Variants in DCUN1D3 observed in about 807,000 individuals in gnomAD.
The protein encoded by DCUN1D3 is DCN1-like protein 3.
A neutral mutation model predicts 24.8 loss-of-function variants in DCUN1D3; 6 were observed. The ratio of observed to expected loss-of-function variants is 0.24; its 90% CI spans 0.13 to 0.48. The LOEUF (loss-of-function observed/expected upper bound fraction) is 0.48, where lower values mean the gene tolerates loss of function less well. DCUN1D3 is among the 20% of genes least tolerant of loss of function. The probability of loss-of-function intolerance (pLI) is 0.99; values close to 1 mark genes in which losing one functional copy is unlikely to be tolerated. For synonymous variants in DCUN1D3, 120 were observed against 144.9 expected (o/e 0.83, Z 1.24); for missense variants, 258 against 379.4 (o/e 0.68, Z 2.66).
rs919564374 is a variant in DCUN1D3 at position 20,858,279 on chromosome 16, C to T, written c.*1607G>A. 1 of 152,570 alleles carries T rather than the reference C, an allele frequency of 6.6e-6. No homozygotes were observed. Among genetic ancestry groups the T allele is most frequent in the African/African-American group, 2.4e-5 (1 of 41,438 alleles). 9.5% of individuals were successfully genotyped at this position (152,570 alleles called of 1,614,324 possible). ...CCTCAGGCCCCTGTGGCAGCCTGGC[C>T]AAAGCTGGCCTTTATGGAGCCAGCG... On this transcript the variant is annotated 3_prime_UTR_variant, in exon 3 of 3. Coordinates refer to ENST00000324344, the MANE Select transcript of DCUN1D3 (RefSeq NM_173475.4).
At chr16:20,899,636 G>A (rs754399866) in intron 1 of DCUN1D3, among the ~76,000 whole-genome samples, 6 of 152,052 alleles carry the variant, frequency 3.9e-5, no homozygotes, top group Non-Finnish European at 7.4e-5. Context: ...CGGGGGGTGT[G>A]GTGGAGGAAC....
In DCUN1D3 at chr16:20,860,432, A is replaced by G; in HGVS notation, c.432-63T>C. On this transcript the variant is annotated intron_variant, in intron 2 of 2. Transcript: ENST00000324344. The surrounding 1 kb of genome is among the most constrained non-coding windows in gnomAD (Gnocchi z 4.3). Reference sequence around the variant, plus strand: ...ACTATACTATTTACAGGCAATATACATAGTGATTAAGAGCAAGGCTTTCAG... The same window carrying G: ...ACTATACTATTTACAGGCAATATACGTAGTGATTAAGAGCAAGGCTTTCAG... 6.6e-7 allele frequency: 1 copy of G among 1,510,306 alleles called. No individual in the cohort carries two copies. The highest frequency in any genetic ancestry group is 8.9e-7 in the Non-Finnish European group (1 of 1,128,520). The allele number at this position is 1,510,306 out of a possible 1,614,324, so 93.6% of individuals were successfully genotyped here.
intron 1 of DCUN1D3, among the ~76,000 whole-genome samples, chr16:20,890,657 G>A (rs141529444): frequency 6.6e-6 from 1 of 152,166 alleles, no homozygotes; most frequent in East Asian, 1.9e-4. Flanking sequence ...TAAACAGGTG[G>A]GGTCTGTGCT....
At chr16:20,883,791 T>C (rs1449816736) in intron 1 of DCUN1D3, among the ~76,000 whole-genome samples, 1 of 152,236 alleles carries the variant, frequency 6.6e-6, no homozygotes, top group Non-Finnish European at 1.5e-5. Context: ...TATCTCTTTC[T>C]GCTAGGCCAA....
intron 1 of DCUN1D3, among the ~76,000 whole-genome samples, chr16:20,864,729 T>C (rs1235849754): frequency 6.6e-6 from 1 of 152,156 alleles, no homozygotes; most frequent in Non-Finnish European, 1.5e-5. Context: ...AGCAAAGACA[T>C]GGAATCAACC....
chr16:20,880,615 AAAAAAAAAAAAAAACAG>A (rs1465466866), intron 1 of DCUN1D3, among the ~76,000 whole-genome samples: 1 of 148,588 alleles, frequency 6.7e-6, no homozygotes, highest in African/African-American at 2.5e-5. Context: ...AAAAAAAAAA[AAAAAAAAAAAAAAACAG>A]AAAAAAGAAA....
At chr16:20,891,195 T>C (rs2081890810) in intron 1 of DCUN1D3, among the ~76,000 whole-genome samples, 2 of 152,046 alleles carry the variant, frequency 1.3e-5, no homozygotes, top group Admixed American at 1.3e-4. Flanking sequence ...GGTTTCACCA[T>C]CTTGGCCAGG....
intron 1 of DCUN1D3, among the ~76,000 whole-genome samples, chr16:20,895,855 G>C (rs1189850370): frequency 6.6e-6 from 1 of 152,152 alleles, no homozygotes; most frequent in Non-Finnish European, 1.5e-5. Context: ...GAAAACAGGA[G>C]TTACCACGTC....
chr16:20,862,522 G>T lies in DCUN1D3; in HGVS notation c.17C>A (p.Thr6Asn). Residue 6 changes from threonine (T) to asparagine (N), a missense_variant, in exon 2 of 3, where the codon ACC becomes AAC. By Grantham distance (65) the Thr-to-Asn change is moderately conservative. Transcript: ENST00000324344. The part of the protein sequence containing the change: MGQCV[T>N]KCKNPSSTLG... Reference sequence around the variant, plus strand: ...GGTCGATGAGGGATTCTTACACTTGGTGACACACTGGCCCATGGTGCTGGT... The same window carrying T: ...GGTCGATGAGGGATTCTTACACTTGTTGACACACTGGCCCATGGTGCTGGT... The T allele has an allele frequency of 6.2e-7, 1 of 1,603,844 alleles. No individual in the cohort carries two copies. Among genetic ancestry groups the T allele is most frequent in the South Asian group, 1.1e-5 (1 of 90,996 alleles).
chr16:20,882,109 T>C (rs2081847000), intron 1 of DCUN1D3, among the ~76,000 whole-genome samples: 1 of 151,504 alleles, frequency 6.6e-6, no homozygotes, highest in Non-Finnish European at 1.5e-5. Context: ...CCTAGTCTTA[T>C]ACACACTGTT....
chr16:20,892,193 AACTG>A (rs1482648858), intron 1 of DCUN1D3, among the ~76,000 whole-genome samples: 8 of 152,238 alleles, frequency 5.3e-5, no homozygotes, highest in Admixed American at 2.6e-4. Flanking sequence ...ATGACTGAAC[AACTG>A]ACTATTTCAA....
intron 1 of DCUN1D3, among the ~76,000 whole-genome samples, chr16:20,873,116 G>A (rs2081797381): frequency 7.0e-6 from 1 of 142,362 alleles, no homozygotes; most frequent in South Asian, 2.3e-4. Context: ...GCGAGACTCT[G>A]TCTCAAAAAA....
intron 1 of DCUN1D3, among the ~76,000 whole-genome samples, chr16:20,867,439 C>CT (rs2081768011): frequency 6.6e-6 from 1 of 152,174 alleles, no homozygotes; most frequent in Non-Finnish European, 1.5e-5. Flanking sequence ...GACGTGGAAA[C>CT]GAGAATTAGT....
At chr16:20,884,724 A>G (rs1217269500) in intron 1 of DCUN1D3, among the ~76,000 whole-genome samples, 3 of 152,154 alleles carry the variant, frequency 2.0e-5, no homozygotes, top group African/African-American at 7.2e-5. Context: ...AGACAGTAAG[A>G]ATGACAAAAT....
intron 1 of DCUN1D3, among the ~76,000 whole-genome samples, chr16:20,880,915 C>G (rs763221550): frequency 2.0e-5 from 3 of 152,142 alleles, no homozygotes; most frequent in African/African-American, 4.8e-5. Context: ...AGCCAAAATT[C>G]AGACTCTTAA....
intron 1 of DCUN1D3, among the ~76,000 whole-genome samples, chr16:20,873,786 C>A (rs368446905): frequency 6.6e-6 from 1 of 152,090 alleles, no homozygotes; most frequent in Admixed American, 6.5e-5. Context: ...CCTGAAAATA[C>A]AGGAGGCTGG....
At chr16:20,874,118 T>A (rs774206204) in intron 1 of DCUN1D3, among the ~76,000 whole-genome samples, 2 of 152,352 alleles carry the variant, frequency 1.3e-5, no homozygotes, top group South Asian at 4.1e-4. Context: ...GACACAGCTA[T>A]GTCACTCAGA....
At chr16:20,887,525 G>A (rs1338350331) in intron 1 of DCUN1D3, among the ~76,000 whole-genome samples, 1 of 152,182 alleles carries the variant, frequency 6.6e-6, no homozygotes, top group East Asian at 1.9e-4. Flanking sequence ...GAGGGGATGT[G>A]ATCTGCCCAA....
intron 1 of DCUN1D3, among the ~76,000 whole-genome samples, chr16:20,865,927 G>A (rs1252622803): frequency 1.3e-5 from 2 of 152,046 alleles, no homozygotes; most frequent in Non-Finnish European, 2.9e-5. Context: ...TTCTCCACCC[G>A]CAAAGAGAGC....
Sources: allele counts gnomAD v4.1 joint callset (sites outside exome capture counted in the v4.1 genomes callset), GRCh38; gene constraint gnomAD v4.1.1; non-coding constraint Gnocchi (gnomAD v3.1); transcripts MANE v1.5; gene names NCBI Gene and HGNC (gene_info 2026-07-23, HGNC 2026-07-21).